ECT2L: variants seen among roughly 807,000 people sequenced by gnomAD.
ECT2L encodes the protein epithelial cell-transforming sequence 2 oncogene-like.
In ECT2L, 126 loss-of-function variants were observed where a neutral mutation model predicts 122.8. The ratio of observed to expected loss-of-function variants is 1.03; its 90% CI spans 0.89 to 1.19. The LOEUF (loss-of-function observed/expected upper bound fraction) is 1.19, where lower values mean the gene tolerates loss of function less well. Ranked by LOEUF, ECT2L falls within the 50% of genes most tolerant of loss-of-function variation. ECT2L has a pLI of 0.00. For missense variants in ECT2L, 1,012 were observed against 1,064.1 expected (o/e 0.95, Z 0.68); for synonymous variants, 385 against 381.8 (o/e 1.01, Z -0.10).
intron 4 of ECT2L, among the ~76,000 whole-genome samples, chr6:138,818,902 A>G (rs1017796423): frequency 1.2e-4 from 18 of 152,144 alleles, no homozygotes; most frequent in African/African-American, 4.1e-4. Context: ...CTGACTTAAC[A>G]GGGCTCTTTA....
At chr6:138,888,211 ACT>A (rs926952095) in intron 19 of ECT2L, among the ~76,000 whole-genome samples, 4 of 151,484 alleles carry the variant, frequency 2.6e-5, no homozygotes, top group Admixed American at 2.6e-4. Flanking sequence ...AGTCTACAAA[ACT>A]CTCTCTGGAT....
intron 4 of ECT2L, among the ~76,000 whole-genome samples, chr6:138,826,800 G>T (rs1159005692): frequency 1.3e-5 from 2 of 152,108 alleles, no homozygotes; most frequent in African/African-American, 4.8e-5. Context: ...GATCCCTCAT[G>T]GTTTGGTGCT....
At chr6:138,824,882 T>C (rs144727857) in intron 4 of ECT2L, among the ~76,000 whole-genome samples, 134 of 152,304 alleles carry the variant, frequency 8.8e-4, no homozygotes, top group African/African-American at 3.2e-3. Flanking sequence ...TCCAGCTACT[T>C]CTGGCTCCAC....
intron 11 of ECT2L, among the ~76,000 whole-genome samples, chr6:138,864,636 G>T (rs538781852): frequency 5.3e-5 from 8 of 152,272 alleles, no homozygotes; most frequent in African/African-American, 1.9e-4. Flanking sequence ...TGTAGCGTGG[G>T]ATTTCTTGTG....
rs544168481 is a variant in ECT2L at position 138,886,897 on chromosome 6, T to C, written c.2300T>C (p.Ile767Thr). 3.1e-6 allele frequency: 5 copies of C among 1,613,518 alleles called. No homozygotes were observed. Among genetic ancestry groups the C allele is most frequent in the African/African-American group, 1.3e-5 (1 of 74,910 alleles). The change falls in exon 19 of 22, where the codon ATA becomes ACA. Residue 767 changes from isoleucine to threonine, a missense_variant. Transcript: ENST00000541398. ...ACTATGAAGGATCATCTGTCAGATA[T>C]ACAGAGAATCATCTGGGGATGCCCT... ...NITMKDHLSD[I>T]QRIIWGCPTL...
intron 6 of ECT2L, among the ~76,000 whole-genome samples, chr6:138,843,774 C>G (rs115870623): frequency 6.6e-6 from 1 of 152,172 alleles, no homozygotes; most frequent in East Asian, 1.9e-4. Flanking sequence ...ACTGCAGCCT[C>G]GATTTCTGAG....
At chr6:138,847,619 C>T (rs956642334) in intron 8 of ECT2L, among the ~76,000 whole-genome samples, 11 of 150,850 alleles carry the variant, frequency 7.3e-5, no homozygotes, top group South Asian at 4.2e-4. Context: ...CCTCGTGATC[C>T]GCCTGCCTTG....
At chr6:138,801,361 AC>A (rs1775537294) in intron 1 of ECT2L, among the ~76,000 whole-genome samples, 1 of 152,174 alleles carries the variant, frequency 6.6e-6, no homozygotes, top group Non-Finnish European at 1.5e-5. Flanking sequence ...GCAGGAGTTG[AC>A]AAACTTTTTC....
chr6:138,838,627 T>A, intron 5 of ECT2L, 113 bp downstream of exon 5: 1 of 1,034,440 alleles, frequency 9.7e-7, no homozygotes. Context: ...ACCTGATCCA[T>A]CATTAACTTA....
intron 21 of ECT2L, 101 bp downstream of exon 21, chr6:138,901,221 A>T (rs1582679216): frequency 8.0e-7 from 1 of 1,246,768 alleles, no homozygotes. Flanking sequence ...ATTATAATTT[A>T]CCAGGTTGCA....
intron 10 of ECT2L, among the ~76,000 whole-genome samples, chr6:138,857,341 G>C (rs1216475080): frequency 6.6e-6 from 1 of 152,102 alleles, no homozygotes; most frequent in Admixed American, 6.6e-5. Flanking sequence ...ACATTGCTGG[G>C]TCCCACCTAG....
intron 19 of ECT2L, among the ~76,000 whole-genome samples, chr6:138,888,456 A>G (rs553976292): frequency 3.7e-4 from 55 of 147,348 alleles, no homozygotes; most frequent in African/African-American, 1.4e-3. Context: ...GACTACCGGC[A>G]TGCACCACCA....
At chr6:138,876,935 T>C (rs1223781234) in intron 14 of ECT2L, among the ~76,000 whole-genome samples, 1 of 152,182 alleles carries the variant, frequency 6.6e-6, no homozygotes, top group Non-Finnish European at 1.5e-5. Context: ...ATGAACACAA[T>C]GTCTAGGGCT....
At chr6:138,806,143 T>C (rs1270500785) in intron 1 of ECT2L, among the ~76,000 whole-genome samples, 1 of 152,214 alleles carries the variant, frequency 6.6e-6, no homozygotes, top group Admixed American at 6.5e-5. Context: ...ATAACTCCTC[T>C]CAATCTGGAG....
At chr6:138,864,001 T>TAAA (rs1562480988) in intron 11 of ECT2L, among the ~76,000 whole-genome samples, 3 of 39,968 alleles carry the variant, frequency 7.5e-5, no homozygotes, top group Non-Finnish European at 1.3e-4. Flanking sequence ...TTCTCCGTAT[T>TAAA]TAAAAAAAAA....
chr6:138,892,302 T>C (rs958696375), intron 20 of ECT2L, among the ~76,000 whole-genome samples: 4 of 152,206 alleles, frequency 2.6e-5, no homozygotes, highest in Admixed American at 2.6e-4. Context: ...ATCTTTTCTT[T>C]CTTAGAGTTT....
At chr6:138,899,947 A>G (rs144854689) in intron 20 of ECT2L, among the ~76,000 whole-genome samples, 1 of 152,308 alleles carries the variant, frequency 6.6e-6, no homozygotes, top group East Asian at 1.9e-4. Flanking sequence ...CCTGCCCAAC[A>G]CAGCAATCTC....
intron 16 of ECT2L, among the ~76,000 whole-genome samples, chr6:138,884,985 T>C (rs570132376): frequency 3.5e-4 from 53 of 151,536 alleles, no homozygotes; most frequent in Non-Finnish European, 5.9e-4. Context: ...TTAAGTTCAA[T>C]GAATAGGGTC....
At chr6:138,809,519 C>CT (rs202040653) in intron 1 of ECT2L, among the ~76,000 whole-genome samples, 261 of 151,474 alleles carry the variant, frequency 1.7e-3, no homozygotes, top group African/African-American at 5.6e-3. Flanking sequence ...ATAATTTTCT[C>CT]TTTTTTTTTG....
Sources: allele counts gnomAD v4.1 joint callset (sites outside exome capture counted in the v4.1 genomes callset), GRCh38; gene constraint gnomAD v4.1.1; transcripts MANE v1.5; gene names NCBI Gene and HGNC (gene_info 2026-07-23, HGNC 2026-07-21).